Variants in PLK4 observed in about 807,000 individuals in gnomAD.
PLK4 encodes serine/threonine-protein kinase PLK4.
PLK4 carries 51 observed loss-of-function variants against 103.0 expected under a neutral mutation model. The observed-to-expected ratio is 0.50, with a 90% CI of 0.40 to 0.63. The LOEUF is 0.63. Ranked by LOEUF, PLK4 falls within the 20% of genes least tolerant of loss-of-function variation. The pLI is 0.00. For missense variants in PLK4, 1,054 were observed against 1,151.0 expected, an observed-to-expected ratio of 0.92 and a Z score of 1.22; for synonymous variants, 389 against 376.8, an observed-to-expected ratio of 1.03 and a Z score of -0.38.
In PLK4 at chr4:127,887,537, T is replaced by G. The variant is rs781746074; in HGVS notation, c.1459+41T>G. 8.2e-5 allele frequency: 94 copies of G among 1,150,226 alleles called. 1 individual carries two copies. In the Middle Eastern group the frequency reaches 1.3e-3, roughly 16 times the overall value. The allele number at this position is 1,150,226 out of a possible 1,614,324, so 71.3% of individuals were successfully genotyped here. ...AGTATTTAATCAAGAATTAATTACT[T>G]GGAAACTTACCAAGCATTGCAGTGT... is the stretch of plus-strand genomic sequence containing the variant. On this transcript the variant is annotated intron_variant, in intron 6 of 15. Coordinates refer to ENST00000270861, the MANE Select transcript of PLK4 (RefSeq NM_014264.5).
At position 127,898,743 on chromosome 4, in the gene PLK4, A is replaced by G. The variant is rs906999943; in HGVS notation, c.*202A>G. On this transcript the variant is annotated 3_prime_UTR_variant, in exon 16 of 16. Transcript: ENST00000270861. ...TTACTAAATATAGTGGATATAAAATAGAACACCTGACTTTGCTCTTAGACC... is the reference window on the plus strand; with the variant it reads ...TTACTAAATATAGTGGATATAAAATGGAACACCTGACTTTGCTCTTAGACC... The G allele has an allele frequency of 4.6e-6, 2 of 439,258 alleles. No homozygotes were observed. Among genetic ancestry groups the G allele is most frequent in the Non-Finnish European group, 8.0e-6 (2 of 249,960 alleles). 27.2% of individuals were successfully genotyped at this position (439,258 alleles called of 1,614,324 possible).
Position 127,891,075 on chromosome 4 carries a change from G to GTTTT in PLK4, c.1831-6_1831-3dup. ...ACAAAAGAATTATTACTGATTTTGG[G>GTTTT]TTTTTTTTTTTTTTAGGTGAGCATA... On this transcript the variant is annotated splice_polypyrimidine_tract_variant and intron_variant, in intron 7 of 15. Transcript: ENST00000270861. The GTTTT allele has an allele frequency of 3.0e-5, 34 of 1,146,840 alleles. No homozygotes were observed. Among genetic ancestry groups the GTTTT allele is most frequent in the South Asian group, 1.1e-4 (7 of 66,000 alleles). 71.0% of individuals were successfully genotyped at this position (1,146,840 alleles called of 1,614,324 possible).
Position 127,883,236 on chromosome 4 carries a change from T to C in PLK4, c.127-26T>C, listed in dbSNP as rs931357914. 4.3e-6 allele frequency: 5 copies of C among 1,171,370 alleles called. 1 individual carries two copies. The South Asian group carries it at 6.5e-5, about 15-fold the overall frequency. 72.6% of individuals were successfully genotyped at this position (1,171,370 alleles called of 1,614,324 possible). On this transcript the variant is annotated intron_variant, in intron 2 of 15. Coordinates refer to ENST00000270861, the MANE Select transcript of PLK4 (RefSeq NM_014264.5). ...TAAGCAGTTTATATTTGAAAGTCTGTCAACATTTAAACCTGTTATTTTTAG... is the reference window on the plus strand; with the variant it reads ...TAAGCAGTTTATATTTGAAAGTCTGCCAACATTTAAACCTGTTATTTTTAG...
chr4:127,881,740 C>T, intron 1 of PLK4, 91 bp from the exon 2 acceptor site: 1 of 796,862 alleles, frequency 1.3e-6, no homozygotes, highest in South Asian at 1.6e-5. Context: ...AAATTCCCCA[C>T]TCGATCCATT....
Position 127,886,106 on chromosome 4 carries a change from C to T in PLK4, c.736C>T (p.Leu246Phe). The T allele has an allele frequency of 6.2e-7, 1 of 1,614,228 alleles. No individual in the cohort carries two copies. The highest frequency in any genetic ancestry group is 8.5e-7 in the Non-Finnish European group (1 of 1,180,018). The change falls in exon 5 of 16, where the codon CTT becomes TTT. Residue 246 changes from leucine (L) to phenylalanine (F), a missense_variant. Leu to Phe is a conservative substitution (Grantham distance 22). This residue lies in a region of PLK4 where 680 missense variants were observed against 660.3 expected (regional missense o/e 1.03). Transcript: ENST00000270861. ...IEAKDLIHQL[L>F]RRNPADRLSL... The stretch of plus-strand genomic sequence containing the variant: ...GGCCAAGGACCTTATTCACCAGTTA[C>T]TTCGTAGAAATCCAGCAGATCGTTT...
chr4:127,881,172 G>C lies in PLK4; in HGVS notation c.30+8G>C, dbSNP rs373475841. The C allele has an allele frequency of 3.7e-6, 6 of 1,613,878 alleles. No homozygotes were observed. In the African/African-American group the frequency reaches 5.3e-5, roughly 14 times the overall value. On this transcript the variant is annotated splice_region_variant and intron_variant, in intron 1 of 15. Coordinates refer to ENST00000270861, the MANE Select transcript of PLK4 (RefSeq NM_014264.5). ...ATCGGGGAGAAGATCGAGGTGAAAA[G>C]ACTCGGCAGTCTGCAGCGGGGCGGG...
At position 127,883,303 on chromosome 4, in the gene PLK4, A is replaced by C. The variant is rs983542334; in HGVS notation, c.168A>C (p.Arg56Ser). The C allele has an allele frequency of 6.2e-7, 1 of 1,602,404 alleles. No homozygotes were observed. The highest frequency in any genetic ancestry group is 1.3e-5 in the African/African-American group (1 of 74,666). ...KAMYKAGMVQRVQNEVKIHCQ... is the reference protein window; with the variant it reads ...KAMYKAGMVQSVQNEVKIHCQ... Reference sequence around the variant, plus strand: ...TGTACAAAGCAGGAATGGTACAGAGAGTCCAAAATGAGGTGAAAATACATT... The same window carrying C: ...TGTACAAAGCAGGAATGGTACAGAGCGTCCAAAATGAGGTGAAAATACATT... The change falls in exon 3 of 16, where the codon AGA becomes AGC. Residue 56 changes from arginine to serine, a missense_variant. This residue lies in a region of PLK4 where 199 missense variants were observed against 270.1 expected (regional missense o/e 0.74). Transcript: ENST00000270861.
chr4:127,890,180 T>A lies in PLK4; in HGVS notation c.1774T>A (p.Ser592Thr), dbSNP rs1483477758. 3 of 1,613,630 alleles carry A rather than the reference T, an allele frequency of 1.9e-6. No individual in the cohort carries two copies. The South Asian group carries it at 3.3e-5, about 18-fold the overall frequency. ...GAATCGTACATTAAGAAGCATTACA[T>A]CTCCGTTGGTTGCTCACAGGTTAAA... The part of the protein sequence containing the change: ...YQNRTLRSIT[S>T]PLVAHRLKPI... The change falls in exon 7 of 16, where the codon TCT (serine) becomes ACT (threonine). Residue 592 changes from serine to threonine, a missense_variant. Physicochemically the swap from Ser to Thr is moderately conservative, Grantham distance 58 (BLOSUM62 1). Around this residue, in one of 4 missense-constraint regions of PLK4, gnomAD observed 680 missense variants for 660.3 expected, o/e 1.03. Transcript: ENST00000270861.
chr4:127,883,653 A>G, intron 4 of PLK4, 100 bp downstream of exon 4: 1 of 536,370 alleles, frequency 1.9e-6, no homozygotes, highest in South Asian at 3.3e-5. Context: ...AATATATAGT[A>G]AAACTGTTTG....
Position 127,881,263 on chromosome 4 carries a change from G to T in PLK4, c.30+99G>T. On this transcript the variant is annotated intron_variant, in intron 1 of 15. Coordinates refer to ENST00000270861, the MANE Select transcript of PLK4 (RefSeq NM_014264.5). ...GGGAGCGAACGAAGCTAACGGCTGC[G>T]GGGCGGGCACCGAGGTGCTTAGGGA... 3 of 1,588,554 alleles carry T rather than the reference G, an allele frequency of 1.9e-6. No homozygotes were observed. The South Asian group carries it at 3.4e-5, about 18-fold the overall frequency.
At chr4:127,887,281 T>C in intron 5 of PLK4, 115 bp from the exon 6 acceptor site, 1 of 636,818 alleles carries the variant, frequency 1.6e-6, no homozygotes. Flanking sequence ...TCTATAGTTA[T>C]TCTAAAATGT....
rs1735441125 is a variant in PLK4 at position 127,893,434 on chromosome 4, T to C, written c.2322+16T>C. On this transcript the variant is annotated intron_variant, in intron 11 of 15. Transcript: ENST00000270861. ...TGCTAATGAGGTACATACCTAATTGTAGGTTTTTCATACCAATTAATAATG... is the reference window on the plus strand; with the variant it reads ...TGCTAATGAGGTACATACCTAATTGCAGGTTTTTCATACCAATTAATAATG... 1 of 1,601,620 alleles carries C rather than the reference T, an allele frequency of 6.2e-7. No homozygotes were observed. Among genetic ancestry groups the C allele is most frequent in the African/African-American group, 1.3e-5 (1 of 74,350 alleles).
chr4:127,888,177 C>CAAAGAAAA (rs1735212121), intron 6 of PLK4, among the ~76,000 whole-genome samples: 1 of 33,238 alleles, frequency 3.0e-5, no homozygotes, highest in African/African-American at 9.9e-5. Flanking sequence ...TAGACTGTCT[C>CAAAGAAAA]AAAAAAAAAA....
intron 15 of PLK4, 85 bp from the exon 16 acceptor site, chr4:127,898,354 A>G (rs1020619894): frequency 8.8e-6 from 6 of 680,600 alleles, no homozygotes; most frequent in Admixed American, 2.7e-5. Context: ...AGAATTACTG[A>G]AAAATATAAT....
intron 6 of PLK4, among the ~76,000 whole-genome samples, chr4:127,888,765 A>C (rs1162892918): frequency 6.6e-6 from 1 of 152,200 alleles, no homozygotes; most frequent in African/African-American, 2.4e-5. Flanking sequence ...ACATATGGAG[A>C]GGAGGAGATC....
rs1488870903 is a variant in PLK4, at chr4:127,889,970, AC to A, written c.1565del (p.Thr522LysfsTer16). 1 of 1,614,088 alleles carries A rather than the reference AC, an allele frequency of 6.2e-7. No homozygotes were observed. The highest frequency in any genetic ancestry group is 8.5e-7 in the Non-Finnish European group (1 of 1,179,938). On this transcript the variant is annotated frameshift_variant, in exon 7 of 16. Coordinates refer to ENST00000270861, the MANE Select transcript of PLK4 (RefSeq NM_014264.5). LOFTEE classifies it high-confidence loss of function. ...KDTSKNAWTD[T>X]KVKKNSDASD... is the part of the protein sequence containing the mutation. ...CACATCAAAAAATGCCTGGACTGAT[AC>A]AAAAGTCAAAAAGAACTCTGATGCT...
At chr4:127,885,621 C>G in intron 4 of PLK4, 87 bp from the exon 5 acceptor site, 1 of 1,024,048 alleles carries the variant, frequency 9.8e-7, no homozygotes, top group Non-Finnish European at 1.5e-6. Context: ...GAATATTTAC[C>G]TGGGTTTCAT....
chr4:127,881,768 C>T, intron 1 of PLK4, 63 bp from the exon 2 acceptor site: 1 of 976,674 alleles, frequency 1.0e-6, no homozygotes, highest in Non-Finnish European at 1.6e-6. Flanking sequence ...CTTTTTCCAG[C>T]CCCTTCCCAT....
At chr4:127,883,884 G>C (rs1419959353) in intron 4 of PLK4, among the ~76,000 whole-genome samples, 1 of 152,072 alleles carries the variant, frequency 6.6e-6, no homozygotes, top group Non-Finnish European at 1.5e-5. Flanking sequence ...TCTAAATCAA[G>C]CATAAATAGC....
Sources: allele counts gnomAD v4.1 joint callset (sites outside exome capture counted in the v4.1 genomes callset), GRCh38; gene constraint gnomAD v4.1.1; regional missense constraint gnomAD v4.1.1; transcripts MANE v1.5; gene names NCBI Gene and HGNC (gene_info 2026-07-23, HGNC 2026-07-21).